The following RCAN2 variants were observed in gnomAD, a reference collection of about 807,000 sequenced individuals.
The protein encoded by RCAN2 is calcipressin-2.
Under a neutral mutation model 23.6 loss-of-function variants are expected in RCAN2, and 9 were observed. That is an observed-to-expected ratio of 0.38 (90% CI 0.23 to 0.67). The LOEUF (loss-of-function observed/expected upper bound fraction) is 0.67, where lower values mean the gene tolerates loss of function less well. Ranked by LOEUF, RCAN2 falls within the 30% of genes least tolerant of loss-of-function variation. The pLI is 0.51. For missense variants in RCAN2, 273 were observed against 302.3 expected (o/e 0.90, Z 0.72); for synonymous variants, 109 against 115.7 (o/e 0.94, Z 0.37).
chr6:46,348,018 G>T (rs867918911), intron 2 of RCAN2, among the ~76,000 whole-genome samples: 10 of 152,142 alleles, frequency 6.6e-5, no homozygotes, highest in Non-Finnish European at 1.5e-4. Context: ...CCGAGTACAG[G>T]ACCTGAGCAG....
intron 1 of RCAN2, among the ~76,000 whole-genome samples, chr6:46,485,473 C>T (rs563996562): frequency 1.3e-5 from 2 of 152,136 alleles, no homozygotes; most frequent in African/African-American, 4.8e-5. Context: ...TTATACTTTC[C>T]TGTGTTTTCC....
At position 46,456,825 on chromosome 6, in the gene RCAN2, T is replaced by A; in HGVS notation, c.152A>T (p.Asp51Val). 3.2e-6 allele frequency: 5 copies of A among 1,550,746 alleles called. No individual in the cohort carries two copies. Among genetic ancestry groups the A allele is most frequent in the Non-Finnish European group, 4.4e-6 (5 of 1,147,026 alleles). ...CAACGAGTTGGGGAGGTCATTGAAG[T>A]CAGTGATTGCTTGAAAGGCTTCTTC... Reference protein sequence around the residue: ...FAEEAFQAITDFNDLPNSLFA... With the variant: ...FAEEAFQAITVFNDLPNSLFA... The change falls in exon 2 of 5, where the codon GAC becomes GTC. Residue 51 changes from aspartate to valine, a missense_variant. By Grantham distance (152) the Asp-to-Val change is radical. Transcript: ENST00000371374.
At chr6:46,399,150 C>T (rs1766175101) in intron 2 of RCAN2, among the ~76,000 whole-genome samples, 2 of 151,826 alleles carry the variant, frequency 1.3e-5, no homozygotes, top group Admixed American at 1.3e-4. Context: ...ACATAAACTC[C>T]TGGGCACTAA....
chr6:46,292,268 A>C (rs1466068358), intron 2 of RCAN2, among the ~76,000 whole-genome samples: 1 of 152,200 alleles, frequency 6.6e-6, no homozygotes, highest in Non-Finnish European at 1.5e-5. Flanking sequence ...AAATTAAGCA[A>C]GTGGATCCAG....
intron 2 of RCAN2, among the ~76,000 whole-genome samples, chr6:46,428,295 A>G (rs1467717087): frequency 2.0e-5 from 3 of 152,206 alleles, no homozygotes; most frequent in East Asian, 1.9e-4. Flanking sequence ...ATCAAAGAAT[A>G]TAAGAATGAT....
intron 2 of RCAN2, among the ~76,000 whole-genome samples, chr6:46,265,573 G>A (rs1375571357): frequency 1.3e-5 from 2 of 152,124 alleles, no homozygotes; most frequent in Admixed American, 6.5e-5. Flanking sequence ...GGGCACACTG[G>A]TTATGTAGTC....
chr6:46,291,304 T>C (rs143297751), intron 2 of RCAN2, among the ~76,000 whole-genome samples: 161 of 150,004 alleles, frequency 1.1e-3, no homozygotes, highest in African/African-American at 3.7e-3. Flanking sequence ...TCCACTGGTG[T>C]TATTTTTGCT....
At chr6:46,458,896 C>CGTGT (rs1554142879) in intron 1 of RCAN2, among the ~76,000 whole-genome samples, 7 of 150,036 alleles carry the variant, frequency 4.7e-5, no homozygotes, top group African/African-American at 1.5e-4. Flanking sequence ...CGCGCGCGCA[C>CGTGT]GTGTGTGTGT....
intron 2 of RCAN2, among the ~76,000 whole-genome samples, chr6:46,343,664 CA>C (rs1561867608): frequency 1.3e-5 from 2 of 152,110 alleles, no homozygotes; most frequent in Non-Finnish European, 2.9e-5. Context: ...CATGAGCCAC[CA>C]CACCTAGCCA....
chr6:46,332,313 ATTTT>A (rs372523969), intron 2 of RCAN2, among the ~76,000 whole-genome samples: 1 of 151,586 alleles, frequency 6.6e-6, no homozygotes. Context: ...TTTTAATCTG[ATTTT>A]TTTTATTATA....
At chr6:46,319,196 C>T (rs1480759401) in intron 2 of RCAN2, among the ~76,000 whole-genome samples, 1 of 152,148 alleles carries the variant, frequency 6.6e-6, no homozygotes, top group Admixed American at 6.5e-5. Flanking sequence ...ATTAAGCTTA[C>T]CACCTAAACA....
chr6:46,320,855 G>A (rs1202076784), intron 2 of RCAN2, among the ~76,000 whole-genome samples: 1 of 152,144 alleles, frequency 6.6e-6, no homozygotes, highest in Non-Finnish European at 1.5e-5. Context: ...AACGTAGCAT[G>A]AGGGAATTAG....
intron 2 of RCAN2, among the ~76,000 whole-genome samples, chr6:46,430,282 A>T (rs1767155675): frequency 1.3e-5 from 2 of 151,806 alleles, no homozygotes; most frequent in African/African-American, 4.9e-5. Flanking sequence ...CATCATCAGG[A>T]TTAGCTACAG....
At chr6:46,417,936 T>C (rs1766759974) in intron 2 of RCAN2, among the ~76,000 whole-genome samples, 1 of 152,252 alleles carries the variant, frequency 6.6e-6, no homozygotes, top group South Asian at 2.1e-4. Flanking sequence ...GATTTGTTTA[T>C]TTATTTTTAC....
chr6:46,329,340 A>G (rs1763889192), intron 2 of RCAN2, among the ~76,000 whole-genome samples: 1 of 152,118 alleles, frequency 6.6e-6, no homozygotes, highest in Non-Finnish European at 1.5e-5. Context: ...TCTTCATTTT[A>G]ACTTTCTTCA....
At chr6:46,487,003 A>T (rs1769009834) in intron 1 of RCAN2, among the ~76,000 whole-genome samples, 1 of 152,226 alleles carries the variant, frequency 6.6e-6, no homozygotes, top group Admixed American at 6.5e-5. Flanking sequence ...AGTTGGTAAC[A>T]AGTGAAAAGA....
chr6:46,285,197 G>T (rs1762333573), intron 2 of RCAN2, among the ~76,000 whole-genome samples: 1 of 152,202 alleles, frequency 6.6e-6, no homozygotes, highest in Non-Finnish European at 1.5e-5. Flanking sequence ...TATGCAACAT[G>T]TAATGTTCAC....
intron 2 of RCAN2, among the ~76,000 whole-genome samples, chr6:46,345,130 T>C (rs1764443341): frequency 6.6e-6 from 1 of 151,928 alleles, no homozygotes; most frequent in Admixed American, 6.6e-5. Flanking sequence ...ATTATCAAAG[T>C]AGACTTCAAG....
chr6:46,331,141 G>T (rs1763956959), intron 2 of RCAN2, among the ~76,000 whole-genome samples: 1 of 152,086 alleles, frequency 6.6e-6, no homozygotes, highest in African/African-American at 2.4e-5. Context: ...TTGAGCCATG[G>T]TTTTTGTAAT....
Sources: gnomAD v4.1 joint callset for allele counts (sites outside exome capture counted in the v4.1 genomes callset) on GRCh38, gnomAD v4.1.1 for gene constraint, MANE v1.5 for transcripts, NCBI Gene and HGNC (gene_info 2026-07-23, HGNC 2026-07-21) for gene names.